Variants in LHFPL6 observed in about 807,000 individuals in gnomAD.
LHFPL6 encodes LHFPL tetraspan subfamily member 6 protein.
In LHFPL6, 9 loss-of-function variants were observed where a neutral mutation model predicts 20.6. The ratio of observed to expected loss-of-function variants is 0.44; its 90% CI spans 0.26 to 0.76. The LOEUF (loss-of-function observed/expected upper bound fraction) is 0.76, where lower values mean the gene tolerates loss of function less well. Among genes scored for constraint, LHFPL6 ranks in the 30% least tolerant of loss-of-function variants. LHFPL6 has a pLI of 0.20. For missense variants in LHFPL6, 218 were observed against 253.5 expected (o/e 0.86, Z 0.95); for synonymous variants, 105 against 98.7 (o/e 1.06, Z -0.38).
intron 2 of LHFPL6, among the ~76,000 whole-genome samples, chr13:39,542,266 T>C (rs908527279): frequency 6.6e-6 from 1 of 152,036 alleles, no homozygotes. Context: ...TGTGTTTGCA[T>C]AGTTAAAATG....
intron 2 of LHFPL6, among the ~76,000 whole-genome samples, chr13:39,386,656 C>T (rs1215015482): frequency 6.6e-6 from 1 of 152,178 alleles, no homozygotes; most frequent in Non-Finnish European, 1.5e-5. Flanking sequence ...CTAAGTGGGA[C>T]TTGGTATATC....
At chr13:39,353,265 C>A (rs1014166519) in intron 3 of LHFPL6, among the ~76,000 whole-genome samples, 2 of 151,366 alleles carry the variant, frequency 1.3e-5, no homozygotes, top group Non-Finnish European at 1.5e-5. Flanking sequence ...AGATTACAGG[C>A]GTAAGCCACC....
intron 2 of LHFPL6, among the ~76,000 whole-genome samples, chr13:39,562,409 C>CATATACAT (rs1555268240): frequency 9.8e-6 from 1 of 101,816 alleles, no homozygotes; most frequent in Non-Finnish European, 2.2e-5. Flanking sequence ...CATATATACA[C>CATATACAT]ATATACACAT....
intron 2 of LHFPL6, among the ~76,000 whole-genome samples, chr13:39,505,548 T>A (rs1208517639): frequency 6.6e-6 from 1 of 151,904 alleles, no homozygotes; most frequent in Non-Finnish European, 1.5e-5. Flanking sequence ...ATTTGATTTA[T>A]CCTCAGAGGC....
chr13:39,431,025 T>A (rs9315685), intron 2 of LHFPL6, among the ~76,000 whole-genome samples: 3 of 152,134 alleles, frequency 2.0e-5, no homozygotes, highest in Admixed American at 2.0e-4. Context: ...GGTCTGCAGC[T>A]TCACTCCTGA....
intron 2 of LHFPL6, among the ~76,000 whole-genome samples, chr13:39,515,075 G>A (rs1869861498): frequency 1.3e-5 from 2 of 152,194 alleles, no homozygotes; most frequent in Admixed American, 1.3e-4. Context: ...ATCCTGATGA[G>A]ACCTGAATCC....
chr13:39,451,077 C>T (rs1224066380), intron 2 of LHFPL6, among the ~76,000 whole-genome samples: 2 of 152,106 alleles, frequency 1.3e-5, no homozygotes, highest in African/African-American at 4.8e-5. Flanking sequence ...GGATTGTAAA[C>T]ACCAGTTGCT....
chr13:39,374,653 T>C (rs902069193), intron 3 of LHFPL6, among the ~76,000 whole-genome samples: 1 of 152,206 alleles, frequency 6.6e-6, no homozygotes, highest in Non-Finnish European at 1.5e-5. Flanking sequence ...TGACCCTTTA[T>C]AGAAGTGTTT....
intron 2 of LHFPL6, among the ~76,000 whole-genome samples, chr13:39,479,199 T>C (rs1349946715): frequency 2.0e-5 from 3 of 152,032 alleles, no homozygotes; most frequent in Non-Finnish European, 4.4e-5. Flanking sequence ...CTCTGACTAA[T>C]ACACTAGGTT....
At chr13:39,568,964 A>G (rs919615633) in intron 2 of LHFPL6, among the ~76,000 whole-genome samples, 3 of 152,190 alleles carry the variant, frequency 2.0e-5, no homozygotes, top group Non-Finnish European at 4.4e-5. Context: ...AACCCTTTTC[A>G]TTGGTGCTTA....
At chr13:39,573,933 C>T (rs1176263684) in intron 2 of LHFPL6, among the ~76,000 whole-genome samples, 1 of 152,042 alleles carries the variant, frequency 6.6e-6, no homozygotes, top group Non-Finnish European at 1.5e-5. Context: ...ACATACGGGT[C>T]CAAGGCACCT....
intron 2 of LHFPL6, among the ~76,000 whole-genome samples, chr13:39,433,771 T>G (rs2138407421): frequency 6.6e-6 from 1 of 152,350 alleles, no homozygotes; most frequent in East Asian, 1.9e-4. Context: ...AAGAAAATTC[T>G]TATTCAGCCT....
intron 3 of LHFPL6, among the ~76,000 whole-genome samples, chr13:39,359,752 G>A (rs1002250923): frequency 6.6e-6 from 1 of 151,572 alleles, no homozygotes; most frequent in Non-Finnish European, 1.5e-5. Flanking sequence ...TAACAAACCT[G>A]CACATGTACC....
chr13:39,448,310 C>T (rs1366603310), intron 2 of LHFPL6, among the ~76,000 whole-genome samples: 1 of 152,250 alleles, frequency 6.6e-6, no homozygotes, highest in East Asian at 1.9e-4. Context: ...GAGGTCCAAA[C>T]AAATACATTA....
chr13:39,562,445 T>TACATATAG (rs1871533161), intron 2 of LHFPL6, among the ~76,000 whole-genome samples: 1 of 86,108 alleles, frequency 1.2e-5, no homozygotes, highest in Non-Finnish European at 2.8e-5. Flanking sequence ...TATACATATA[T>TACATATAG]ACACATATAT....
chr13:39,551,621 C>A (rs73466878), intron 2 of LHFPL6, among the ~76,000 whole-genome samples: 2,626 of 152,256 alleles, frequency 0.017, 76 homozygotes, highest in African/African-American at 0.06. Flanking sequence ...TCTTGTCAAC[C>A]TCTACAAAAA....
intron 2 of LHFPL6, among the ~76,000 whole-genome samples, chr13:39,386,087 C>T (rs368847407): frequency 4.8e-4 from 73 of 152,078 alleles, no homozygotes; most frequent in African/African-American, 1.6e-3. Flanking sequence ...TGGTAAGCAC[C>T]GAGGGAAATT....
At chr13:39,351,980 A>G (rs1047129610) in intron 3 of LHFPL6, among the ~76,000 whole-genome samples, 2 of 152,214 alleles carry the variant, frequency 1.3e-5, no homozygotes, top group African/African-American at 4.8e-5. Flanking sequence ...TCATTGCTCA[A>G]TTAAACTCCT....
chr13:39,489,903 A>T (rs1868861246), intron 2 of LHFPL6, among the ~76,000 whole-genome samples: 1 of 152,026 alleles, frequency 6.6e-6, no homozygotes, highest in Non-Finnish European at 1.5e-5. Context: ...TTTACTACAC[A>T]ATTTCTAAAG....
Sources: gnomAD v4.1 joint callset for allele counts (sites outside exome capture counted in the v4.1 genomes callset) on GRCh38, gnomAD v4.1.1 for gene constraint, MANE v1.5 for transcripts, NCBI Gene and HGNC (gene_info 2026-07-23, HGNC 2026-07-21) for gene names.